Variants in ZNF567 observed in about 807,000 individuals in gnomAD.
ZNF567 encodes zinc finger protein 567.
Under a neutral mutation model 53.9 loss-of-function variants are expected in ZNF567, and 36 were observed. The observed-to-expected ratio is 0.67, with a 90% CI of 0.51 to 0.88. ZNF567 has a LOEUF of 0.88. Among genes scored for constraint, ZNF567 ranks in the 40% least tolerant of loss-of-function variants. The pLI, the probability that ZNF567 is intolerant of heterozygous loss-of-function variation, is 0.00. For missense variants in ZNF567, 619 were observed against 764.7 expected (o/e 0.81, Z 2.25); for synonymous variants, 224 against 260.4 (o/e 0.86, Z 1.35).
chr19:36,723,446 C>G (rs2040320633), downstream of ZNF567: 1 of 551,018 alleles, frequency 1.8e-6, no homozygotes, highest in Admixed American at 3.3e-5. Context: ...ACTTTATTTT[C>G]AAACATACTA....
At chr19:36,718,147 A>T (rs1181062436) in intron 5 of ZNF567, among the ~76,000 whole-genome samples, 2 of 152,168 alleles carry the variant, frequency 1.3e-5, no homozygotes, top group African/African-American at 2.4e-5. Context: ...TAGAAAGAGG[A>T]GGTGGGTTGA....
intron 3 of ZNF567, among the ~76,000 whole-genome samples, chr19:36,695,561 C>T (rs1163927682): frequency 1.3e-5 from 2 of 151,928 alleles, no homozygotes; most frequent in Non-Finnish European, 1.5e-5. Flanking sequence ...AGTGCAGGTG[C>T]AGTGGCATGC....
At chr19:36,697,796 G>A (rs764720965) in intron 3 of ZNF567, among the ~76,000 whole-genome samples, 17 of 151,872 alleles carry the variant, frequency 1.1e-4, no homozygotes, top group Middle Eastern at 3.4e-3. Flanking sequence ...ATTTTTAGTA[G>A]AGACAGCATT....
In ZNF567 at chr19:36,703,239, G is replaced by A. The variant is rs1299182656; in HGVS notation, c.9+8363G>A. On this transcript the variant is annotated intron_variant, in intron 3 of 5. Coordinates refer to ENST00000682579, the MANE Select transcript of ZNF567 (RefSeq NM_001322917.1). The stretch of plus-strand genomic sequence containing the variant: ...TCAGCAGCAGTGTCTGCAGAACTGC[G>A]GATTTTCGTGATCCGCAAATGCTGC... 5.3e-5 allele frequency among the ~76,000 whole-genome samples: 8 copies of A among 152,232 alleles called. No homozygotes were observed. The East Asian group carries it at 5.8e-4, about 11-fold the overall frequency.
chr19:36,715,501 A>AT (rs1366458481), intron 5 of ZNF567, among the ~76,000 whole-genome samples: 328 of 24,946 alleles, frequency 0.013, no homozygotes, highest in East Asian at 0.038. Flanking sequence ...AATAATAATA[A>AT]TAATAATAAT....
At chr19:36,724,787 G>A (rs1015048307), downstream of ZNF567, among the ~76,000 whole-genome samples, 9 of 151,610 alleles carry the variant, frequency 5.9e-5, no homozygotes, top group Admixed American at 1.3e-4. Context: ...GGCAGAGGTT[G>A]CAGTGAGCTG....
At chr19:36,697,839 G>C (rs533148582) in intron 3 of ZNF567, among the ~76,000 whole-genome samples, 41 of 151,492 alleles carry the variant, frequency 2.7e-4, no homozygotes, top group African/African-American at 4.9e-4. Context: ...CTTGAACTCT[G>C]GCCTCAAGTG....
chr19:36,689,848 G>T (rs2038503523), intron 2 of ZNF567, among the ~76,000 whole-genome samples: 1 of 152,124 alleles, frequency 6.6e-6, no homozygotes, highest in Admixed American at 6.6e-5. Context: ...CTTGTGTGTT[G>T]TAAAAAAGGG....
intron 3 of ZNF567, chr19:36,711,826 A>G (rs904214178): frequency 3.3e-5 from 5 of 151,968 alleles, no homozygotes; most frequent in African/African-American, 9.7e-5. Context: ...TGGCACTTCC[A>G]TAAATAAATA....
At chr19:36,671,261 C>T in the ZNF567 span, among the ~76,000 whole-genome samples, 1 of 152,134 alleles carries the variant, frequency 6.6e-6, no homozygotes, top group African/African-American at 2.4e-5. Flanking sequence ...AACAAGAAAT[C>T]AGGGGCCTTC....
rs1012610332 is a variant in ZNF567, at chr19:36,720,808, T to A, written c.*140T>A. 4.4e-6 allele frequency: 3 copies of A among 683,780 alleles called. No homozygotes were observed. Among genetic ancestry groups the A allele is most frequent in the Non-Finnish European group, 6.6e-6 (3 of 454,898 alleles). 42.4% of individuals were successfully genotyped at this position (683,780 alleles called of 1,614,324 possible). ...TAAAGTACCATACGGAATAACTGTC[T>A]ACTGTTTACTAGCATATAAAATAAG... On this transcript the variant is annotated 3_prime_UTR_variant, in exon 6 of 6. Transcript: ENST00000682579.
chr19:36,676,922 G>A, the ZNF567 span, among the ~76,000 whole-genome samples: 1 of 152,046 alleles, frequency 6.6e-6, no homozygotes, highest in Non-Finnish European at 1.5e-5. Context: ...TTGGGAGGCC[G>A]AGGTGGGCAG....
the ZNF567 span, among the ~76,000 whole-genome samples, chr19:36,673,582 TC>T: frequency 6.6e-6 from 1 of 152,174 alleles, no homozygotes; most frequent in Non-Finnish European, 1.5e-5. Flanking sequence ...TTCTGGGTCT[TC>T]AGCCTGCTGG....
chr19:36,724,278 T>G (rs1366687042), downstream of ZNF567, among the ~76,000 whole-genome samples: 1 of 151,136 alleles, frequency 6.6e-6, no homozygotes, highest in Non-Finnish European at 1.5e-5. Flanking sequence ...AGTGCTGGGA[T>G]TACAGGCGTG....
At chr19:36,711,637 A>G (rs967157366) in intron 3 of ZNF567, 1 of 152,244 alleles carries the variant, frequency 6.6e-6, no homozygotes, top group Non-Finnish European at 1.5e-5. Flanking sequence ...ATGCACATAC[A>G]ATATTCCTCC....
At position 36,720,425 on chromosome 19, in the gene ZNF567, G is replaced by T; in HGVS notation, c.1701G>T (p.Gly567=). Residue 567 remains glycine, a synonymous_variant, in exon 6 of 6, where the codon GGG becomes GGT. Transcript: ENST00000682579. ...GQKSYECPQC[G]KAFSRKSYLI... is the part of the protein sequence containing the mutation. Reference sequence around the variant, plus strand: ...AATCCTATGAATGTCCTCAGTGTGGGAAAGCCTTTAGCAGGAAGTCATATC... The same window carrying T: ...AATCCTATGAATGTCCTCAGTGTGGTAAAGCCTTTAGCAGGAAGTCATATC... 1 of 1,614,038 alleles carries T rather than the reference G, an allele frequency of 6.2e-7. No homozygotes were observed. Among genetic ancestry groups the T allele is most frequent in the South Asian group, 1.1e-5 (1 of 91,078 alleles).
chr19:36,685,246 C>T (rs759349489), upstream of ZNF567, among the ~76,000 whole-genome samples: 1 of 152,158 alleles, frequency 6.6e-6, no homozygotes, highest in Non-Finnish European at 1.5e-5. Context: ...CGAGATCACG[C>T]CACTGCACTC....
upstream of ZNF567, among the ~76,000 whole-genome samples, chr19:36,685,202 C>T (rs930839189): frequency 1.3e-5 from 2 of 152,100 alleles, no homozygotes; most frequent in Non-Finnish European, 2.9e-5. Flanking sequence ...GCAGGAGAAT[C>T]CCTTGAACCT....
chr19:36,692,784 T>G (rs1166332388), intron 2 of ZNF567, among the ~76,000 whole-genome samples: 1 of 152,168 alleles, frequency 6.6e-6, no homozygotes, highest in Non-Finnish European at 1.5e-5. Context: ...TTTGCAAGCT[T>G]CTGTGGATCT....
Sources: gnomAD v4.1 joint callset for allele counts (sites outside exome capture counted in the v4.1 genomes callset) on GRCh38, gnomAD v4.1.1 for gene constraint, MANE v1.5 for transcripts, NCBI Gene and HGNC (gene_info 2026-07-23, HGNC 2026-07-21) for gene names.